The following CHD6 variants were observed in gnomAD, a reference collection of about 807,000 sequenced individuals.
CHD6 encodes the protein ATP-dependent chromatin remodeler CHD6.
CHD6 carries 50 observed loss-of-function variants against 276.9 expected under a neutral mutation model. That is an observed-to-expected ratio of 0.18 (90% CI 0.14 to 0.23). The LOEUF is 0.23. Ranked by LOEUF, CHD6 falls within the 10% of genes least tolerant of loss-of-function variation. The probability of loss-of-function intolerance (pLI) is 1.00; values close to 1 mark genes in which losing one functional copy is unlikely to be tolerated. For missense variants in CHD6, 2,564 were observed against 3,365.8 expected, an observed-to-expected ratio of 0.76 and a Z score of 5.89; for synonymous variants, 1,173 against 1,229.3, an observed-to-expected ratio of 0.95 and a Z score of 0.96.
intron 1 of CHD6, among the ~76,000 whole-genome samples, chr20:41,583,608 A>T (rs1245155747): frequency 6.6e-6 from 1 of 152,226 alleles, no homozygotes; most frequent in Non-Finnish European, 1.5e-5. Flanking sequence ...GAAATGGCAA[A>T]AACAGAAGTC....
chr20:41,484,555 T>C lies in CHD6; in HGVS notation c.2054A>G (p.Asp685Gly). ...GGGAGCAAGGTTCTTTTCCACATCA[T>C]CTTTCAGCCGCCGAAGCATCATTGG... ...LKPMMLRRLK[D>G]DVEKNLAPKQ... The change falls in exon 15 of 37, where the codon GAT becomes GGT. Residue 685 changes from aspartate to glycine, a missense_variant. Physicochemically the swap from Asp to Gly is moderately conservative, Grantham distance 94 (BLOSUM62 -1). Transcript: ENST00000373233. 2 of 1,613,856 alleles carry C rather than the reference T, an allele frequency of 1.2e-6. No individual in the cohort carries two copies. The highest frequency in any genetic ancestry group is 8.5e-7 in the Non-Finnish European group (1 of 1,179,830).
chr20:41,409,184 C>A (rs139601855), intron 36 of CHD6, among the ~76,000 whole-genome samples: 530 of 152,308 alleles, frequency 3.5e-3, no homozygotes, highest in African/African-American at 0.012. Flanking sequence ...TCAGCTTTAA[C>A]CATGTCCTGT....
intron 1 of CHD6, among the ~76,000 whole-genome samples, chr20:41,573,301 G>A (rs868315568): frequency 1.7e-4 from 26 of 152,224 alleles, no homozygotes; most frequent in African/African-American, 6.3e-4. Flanking sequence ...TGTCATACTC[G>A]CCACTACCTT....
intron 3 of CHD6, among the ~76,000 whole-genome samples, chr20:41,530,496 C>T (rs1192706703): frequency 1.3e-5 from 2 of 152,088 alleles, no homozygotes; most frequent in Non-Finnish European, 2.9e-5. Context: ...AGCCAATCTG[C>T]AAGAGTAAAT....
At position 41,457,417 on chromosome 20, in the gene CHD6, T is replaced by A; in HGVS notation, c.2676A>T (p.Arg892=). The A allele has an allele frequency of 6.2e-7, 1 of 1,611,080 alleles. No individual in the cohort carries two copies. Among genetic ancestry groups the A allele is most frequent in the Non-Finnish European group, 8.5e-7 (1 of 1,177,512 alleles). ...CTTTGCTCTGGCCTATGCGGTGACA[T>A]CGGGCCTGAGCCTGGGAAGAAGAAG... is the stretch of plus-strand genomic sequence containing the variant. ...NPQNDLQAQA[R]CHRIGQSKAV... Residue 892 remains arginine, a synonymous_variant, in exon 18 of 37, where the codon CGA becomes CGT. Transcript: ENST00000373233.
chr20:41,537,203 G>T (rs2044850770), intron 2 of CHD6, among the ~76,000 whole-genome samples: 1 of 152,114 alleles, frequency 6.6e-6, no homozygotes, highest in East Asian at 1.9e-4. Context: ...GCACTTTAAA[G>T]AATATTATCA....
At chr20:41,511,716 T>A (rs528189402) in intron 5 of CHD6, among the ~76,000 whole-genome samples, 1 of 152,316 alleles carries the variant, frequency 6.6e-6, no homozygotes, top group South Asian at 2.1e-4. Flanking sequence ...ATTATCCATT[T>A]GTCATATCAC....
intron 2 of CHD6, among the ~76,000 whole-genome samples, chr20:41,549,050 G>A (rs1453599703): frequency 1.3e-5 from 2 of 152,140 alleles, no homozygotes; most frequent in East Asian, 1.9e-4. Flanking sequence ...TGGTGGGACT[G>A]TAAACTAGTT....
intron 16 of CHD6, among the ~76,000 whole-genome samples, chr20:41,482,955 C>A (rs757436490): frequency 7.2e-5 from 11 of 152,104 alleles, no homozygotes; most frequent in Non-Finnish European, 1.6e-4. Context: ...GGATATATTT[C>A]TTTCACCATT....
intron 2 of CHD6, among the ~76,000 whole-genome samples, chr20:41,541,125 G>T (rs1386642535): frequency 2.0e-5 from 3 of 151,922 alleles, no homozygotes; most frequent in African/African-American, 7.3e-5. Context: ...TGTGGAATTA[G>T]CAAGACTGAC....
At chr20:41,490,077 G>T in intron 11 of CHD6, 56 bp from the exon 12 acceptor site, 3 of 1,485,346 alleles carry the variant, frequency 2.0e-6, no homozygotes, top group Non-Finnish European at 1.9e-6. Flanking sequence ...ACTTATAGAG[G>T]CTGGTTATAA....
chr20:41,412,330 CT>C (rs80021927), intron 35 of CHD6, 67 bp from the exon 36 acceptor site: 27,246 of 1,561,838 alleles, frequency 0.017, 366 homozygotes, highest in East Asian at 0.048. Context: ...GAGGCTGATG[CT>C]TTTCAACTGG....
At chr20:41,488,655 C>T (rs752291849) in intron 12 of CHD6, 51 bp from the exon 13 acceptor site, 1 of 1,513,200 alleles carries the variant, frequency 6.6e-7, no homozygotes. Context: ...CTATAGAATT[C>T]TGCTAATATC....
At chr20:41,603,979 C>T (rs1217763665) in intron 1 of CHD6, among the ~76,000 whole-genome samples, 2 of 140,452 alleles carry the variant, frequency 1.4e-5, no homozygotes, top group Non-Finnish European at 3.0e-5. Flanking sequence ...TTCACCTATT[C>T]CTGTGTGCAT....
At chr20:41,514,312 G>C (rs965424099) in intron 4 of CHD6, among the ~76,000 whole-genome samples, 1 of 152,134 alleles carries the variant, frequency 6.6e-6, no homozygotes, top group Non-Finnish European at 1.5e-5. Context: ...CACTGTCACG[G>C]GCACATTTTG....
intron 17 of CHD6, among the ~76,000 whole-genome samples, chr20:41,466,170 C>A (rs956506446): frequency 2.0e-5 from 3 of 152,142 alleles, no homozygotes; most frequent in African/African-American, 7.2e-5. Flanking sequence ...TCACTGCACT[C>A]CAGCCTGGGT....
chr20:41,439,879 G>C, intron 26 of CHD6, 121 bp downstream of exon 26: 1 of 961,380 alleles, frequency 1.0e-6, no homozygotes, highest in Non-Finnish European at 1.6e-6. Flanking sequence ...CGGCAGTGTG[G>C]CAAGGTGTAG....
chr20:41,514,862 G>T lies in CHD6; in HGVS notation c.645C>A (p.Gly215=), dbSNP rs756639112. 2.5e-6 allele frequency: 4 copies of T among 1,614,018 alleles called. No individual in the cohort carries two copies. Among genetic ancestry groups the T allele is most frequent in the Non-Finnish European group, 3.4e-6 (4 of 1,179,966 alleles). ...GACTCCGCAGAGATGGGTTCGTCAG[G>T]CCCTGATCCAGCTCTAAACTCTCCA... is the stretch of plus-strand genomic sequence containing the variant. ...TTVESLELDQ[G]LTNPSLRSPE... The change falls in exon 4 of 37, where the codon GGC becomes GGA. Residue 215 remains glycine (G), a synonymous_variant. Transcript: ENST00000373233.
At chr20:41,498,018 A>G in intron 7 of CHD6, 150 bp downstream of exon 7, 1 of 613,390 alleles carries the variant, frequency 1.6e-6, no homozygotes, top group African/African-American at 1.9e-5. Context: ...ATTGAGCGTT[A>G]CTGCCTAAGG....
Sources: allele counts gnomAD v4.1 joint callset (sites outside exome capture counted in the v4.1 genomes callset), GRCh38; gene constraint gnomAD v4.1.1; transcripts MANE v1.5; gene names NCBI Gene and HGNC (gene_info 2026-07-23, HGNC 2026-07-21).